The following SH3TC2 variants were observed in gnomAD, a reference collection of about 807,000 sequenced individuals.
SH3TC2 encodes SH3 domain and tetratricopeptide repeat-containing protein 2.
A neutral mutation model predicts 124.5 loss-of-function variants in SH3TC2; 87 were observed. That is an observed-to-expected ratio of 0.70 (90% CI 0.59 to 0.84). The LOEUF (loss-of-function observed/expected upper bound fraction) is 0.84, where lower values mean the gene tolerates loss of function less well. SH3TC2 is among the 40% of genes least tolerant of loss of function. The pLI is 0.00. For missense variants in SH3TC2, 1,536 were observed against 1,566.4 expected, an observed-to-expected ratio of 0.98 and a Z score of 0.33; for synonymous variants, 634 against 628.5, an observed-to-expected ratio of 1.01 and a Z score of -0.13.
chr5:149,049,459 C>T (rs1409002636), intron 2 of SH3TC2, among the ~76,000 whole-genome samples: 1 of 152,146 alleles, frequency 6.6e-6, no homozygotes, highest in Non-Finnish European at 1.5e-5. Context: ...AGTACCTATC[C>T]CACAGGGGTT....
chr5:149,048,467 T>C (rs1754505045), intron 2 of SH3TC2, among the ~76,000 whole-genome samples: 1 of 152,254 alleles, frequency 6.6e-6, no homozygotes, highest in Non-Finnish European at 1.5e-5. Context: ...CATGAACACA[T>C]TACACATAAA....
rs1753579125 is a variant in SH3TC2, at chr5:149,000,437, T to C, written c.*4274A>G. On this transcript the variant is annotated 3_prime_UTR_variant, in exon 17 of 17. Coordinates refer to ENST00000515425, the MANE Select transcript of SH3TC2 (RefSeq NM_024577.4). ...GGTGCTTGCAATGAGCAACAGGACC[T>C]AGCTTGAAGTTAATGCATTATTTTA... Among the ~76,000 whole-genome samples the C allele has an allele frequency of 6.6e-6, 1 of 152,238 alleles. No homozygotes were observed. Among genetic ancestry groups the C allele is most frequent in the South Asian group, 2.1e-4 (1 of 4,836 alleles).
chr5:149,000,744 G>A lies in SH3TC2; in HGVS notation c.*3967C>T, dbSNP rs28399310. Among the ~76,000 whole-genome samples the A allele has an allele frequency of 1.8e-3, 276 of 152,274 alleles. No individual in the cohort carries two copies. Among genetic ancestry groups the A allele is most frequent in the African/African-American group, 6.2e-3 (259 of 41,556 alleles). The stretch of plus-strand genomic sequence containing the variant: ...TAAGTCCTTGAGTCATGAGACCCCC[G>A]CCTCAAGTACCACTGTCTTTGCCAC... On this transcript the variant is annotated 3_prime_UTR_variant, in exon 17 of 17. Transcript: ENST00000515425.
At position 149,030,274 on chromosome 5, in the gene SH3TC2, C is replaced by A. The variant is rs186012244; in HGVS notation, c.1135+1280G>T. 3.9e-4 allele frequency among the ~76,000 whole-genome samples: 60 copies of A among 152,308 alleles called. 1 individual carries two copies. Among genetic ancestry groups the A allele is most frequent in the Non-Finnish European group, 1.0e-4 (7 of 68,024 alleles). ...TATGGTATACGCCTTGGGGAAGCTG[C>A]AATTTACCAACAAGATGTTCTCCTG... is the stretch of plus-strand genomic sequence containing the variant. On this transcript the variant is annotated intron_variant, in intron 9 of 16. Coordinates refer to ENST00000515425, the MANE Select transcript of SH3TC2 (RefSeq NM_024577.4).
At position 149,000,791 on chromosome 5, in the gene SH3TC2, G is replaced by C. The variant is rs1753584230; in HGVS notation, c.*3920C>G. ...CCACTAACTACCAATGTGTCTGGGA[G>C]AAAGTTACCCTTCTGTTCCTCAGTT... On this transcript the variant is annotated 3_prime_UTR_variant, in exon 17 of 17. Coordinates refer to ENST00000515425, the MANE Select transcript of SH3TC2 (RefSeq NM_024577.4). Among the ~76,000 whole-genome samples the C allele has an allele frequency of 6.6e-6, 1 of 152,190 alleles. No homozygotes were observed. The highest frequency in any genetic ancestry group is 1.5e-5 in the Non-Finnish European group (1 of 68,036).
At chr5:149,033,814 A>G (rs1316918911) in intron 8 of SH3TC2, among the ~76,000 whole-genome samples, 1 of 152,226 alleles carries the variant, frequency 6.6e-6, no homozygotes, top group African/African-American at 2.4e-5. Flanking sequence ...CCACGATCCA[A>G]GAATTAATAG....
At chr5:149,057,879 A>C (rs577193510) in intron 1 of SH3TC2, among the ~76,000 whole-genome samples, 8 of 152,342 alleles carry the variant, frequency 5.3e-5, no homozygotes, top group Admixed American at 4.6e-4. Flanking sequence ...GGCATAATCC[A>C]ACTGGGTTAT....
In SH3TC2 at chr5:148,993,172, C is replaced by T. The variant is rs919198611; in HGVS notation, c.*11539G>A. Among the ~76,000 whole-genome samples, 1 of 152,186 alleles carries T rather than the reference C, an allele frequency of 6.6e-6. No individual in the cohort carries two copies. The highest frequency in any genetic ancestry group is 1.5e-5 in the Non-Finnish European group (1 of 68,038). On this transcript the variant is annotated 3_prime_UTR_variant, in exon 17 of 17. Transcript: ENST00000515425. ...AATAAAACTGACAACAGCTAACCTA[C>T]ACAAAGAATGTGTTAATGAGCAAAC...
intron 7 of SH3TC2, among the ~76,000 whole-genome samples, chr5:149,040,377 T>C (rs764966660): frequency 6.6e-6 from 1 of 152,176 alleles, no homozygotes; most frequent in African/African-American, 2.4e-5. Flanking sequence ...AGCATCTGTG[T>C]GTCCTGCCCA....
At position 149,042,675 on chromosome 5, in the gene SH3TC2, A is replaced by C; in HGVS notation, c.529+19T>G. On this transcript the variant is annotated intron_variant, in intron 5 of 16. Transcript: ENST00000515425. Reference sequence around the variant, plus strand: ...AATATCTGAATAAGATCCCATCTCTACCCCTATGCCACACTCACCTTCCTG... The same window carrying C: ...AATATCTGAATAAGATCCCATCTCTCCCCCTATGCCACACTCACCTTCCTG... 1.2e-6 allele frequency: 2 copies of C among 1,613,768 alleles called. No homozygotes were observed. Among genetic ancestry groups the C allele is most frequent in the Non-Finnish European group, 1.7e-6 (2 of 1,179,856 alleles).
At chr5:149,034,550 T>C in intron 8 of SH3TC2, 1 of 378,080 alleles carries the variant, frequency 2.6e-6, no homozygotes. Flanking sequence ...ATAATATCAT[T>C]TTTAACATGA....
rs1754089250 is a variant in SH3TC2 at position 149,027,421 on chromosome 5, T to C, written c.2311A>G (p.Arg771Gly). Residue 771 changes from arginine to glycine, a missense_variant, in exon 11 of 17, where the codon AGG (arginine) becomes GGG (glycine). Arg to Gly is a moderately radical substitution (Grantham distance 125). Around this residue, in one of 3 missense-constraint regions of SH3TC2, gnomAD observed 1,102 missense variants for 1,098.6 expected, o/e 1.00. Transcript: ENST00000515425. Reference protein sequence around the residue: ...LILSKVYLEHRSPDGAIHYLS... With the variant: ...LILSKVYLEHGSPDGAIHYLS... The stretch of plus-strand genomic sequence containing the variant: ...TAGTGGATGGCACCGTCAGGAGACC[T>C]GTGCTCGAGGTACACTTTGGAAAGG... 2.5e-6 allele frequency: 4 copies of C among 1,614,148 alleles called. No homozygotes were observed. Among genetic ancestry groups the C allele is most frequent in the African/African-American group, 1.3e-5 (1 of 75,070 alleles).
rs766947222 is a variant in SH3TC2, at chr5:149,041,566, T to C, written c.581A>G (p.Glu194Gly). ...CTTGCAAAGTGTCAAGCATTCCCCT[T>C]CCTTCTCGGCTGGTGGAGTCACGGA... ...LCSVTPPAEKEGECLTLCKNE... is the reference protein window; with the variant it reads ...LCSVTPPAEKGGECLTLCKNE... The change falls in exon 6 of 17, where the codon GAA becomes GGA. Residue 194 changes from glutamate to glycine, a missense_variant. By Grantham distance (98) the Glu-to-Gly change is moderately conservative (BLOSUM62 -2). Around this residue, in one of 3 missense-constraint regions of SH3TC2, gnomAD observed 1,102 missense variants for 1,098.6 expected, o/e 1.00. Transcript: ENST00000515425. 2.8e-5 allele frequency: 45 copies of C among 1,614,006 alleles called. No homozygotes were observed. The highest frequency in any genetic ancestry group is 3.7e-5 in the Non-Finnish European group (44 of 1,179,964).
At position 149,008,994 on chromosome 5, in the gene SH3TC2, G is replaced by C. The variant is rs754261079; in HGVS notation, c.3335C>G (p.Ala1112Gly). The part of the protein sequence containing the change: ...HHAVEYYRAG[A>G]VPLARRLKAV... ...CTTCAACCTCCTTGCTAAAGGAACA[G>C]CTCCAGCCTAGGAACAGAAGCCCAA... Residue 1112 changes from alanine (A) to glycine (G), a missense_variant, in exon 15 of 17, where the codon GCT becomes GGT. This residue lies in a region of SH3TC2 where 426 missense variants were observed against 443.5 expected (regional missense o/e 0.96). Transcript: ENST00000515425. The C allele has an allele frequency of 3.1e-6, 5 of 1,614,196 alleles. 1 individual carries two copies. In the South Asian group the frequency reaches 5.5e-5, roughly 18 times the overall value.
intron 12 of SH3TC2, among the ~76,000 whole-genome samples, chr5:149,016,700 C>T (rs1242211798): frequency 2.0e-5 from 3 of 151,982 alleles, no homozygotes; most frequent in East Asian, 1.9e-4. Flanking sequence ...CCGAGGCGGG[C>T]GGATCACGAG....
In SH3TC2 at chr5:149,002,361, T is replaced by A. The variant is rs1231939876; in HGVS notation, c.*2350A>T. ...CCTCAACCGCAACGTCCCTCCCAGC[T>A]TGGGGCTTTTACAGCTTGTGGTGGG... On this transcript the variant is annotated 3_prime_UTR_variant, in exon 17 of 17. Transcript: ENST00000515425. The A allele has an allele frequency of 6.5e-6, 1 of 152,676 alleles. No individual in the cohort carries two copies. The highest frequency in any genetic ancestry group is 1.9e-4 in the East Asian group (1 of 5,188). 9.5% of individuals were successfully genotyped at this position (152,676 alleles called of 1,614,324 possible).
rs1561764735 is a variant in SH3TC2, at chr5:149,027,314, A to G, written c.2418T>C (p.Tyr806=). The stretch of plus-strand genomic sequence containing the variant: ...CCTTCTTGGCCTGGCTGGCTAAGAG[A>G]TAGGCCCATGCCAGGCAGAGAGAAG... ...FESSLCLAWA[Y]LLASQAKKAL... is the part of the protein sequence containing the mutation. The change falls in exon 11 of 17, where the codon TAT becomes TAC. Residue 806 remains tyrosine, a synonymous_variant. Transcript: ENST00000515425. The G allele has an allele frequency of 6.2e-7, 1 of 1,614,016 alleles. No individual in the cohort carries two copies. The highest frequency in any genetic ancestry group is 1.1e-5 in the South Asian group (1 of 91,088).
chr5:149,052,631 G>A (rs1754577865), intron 1 of SH3TC2, among the ~76,000 whole-genome samples: 2 of 152,166 alleles, frequency 1.3e-5, no homozygotes, highest in African/African-American at 4.8e-5. Flanking sequence ...GACAGACATT[G>A]GCATCATTAG....
In SH3TC2 at chr5:149,028,390, C is replaced by G. The variant is rs587781252; in HGVS notation, c.1342G>C (p.Asp448His). The G allele has an allele frequency of 2.3e-5, 37 of 1,614,018 alleles. No individual in the cohort carries two copies. The highest frequency in any genetic ancestry group is 2.7e-5 in the Non-Finnish European group (32 of 1,180,050). The change falls in exon 11 of 17, where the codon GAT (aspartate) becomes CAT (histidine). Residue 448 changes from aspartate (D) to histidine (H), a missense_variant. Asp to His is a moderately conservative substitution (Grantham distance 81, BLOSUM62 -1). Around this residue, in one of 3 missense-constraint regions of SH3TC2, gnomAD observed 1,102 missense variants for 1,098.6 expected, o/e 1.00. Transcript: ENST00000515425. ...AGGTCCATGAGCAGTTCCGGGTCAT[C>G]AAGGTCATCAGGCTCCGGCAGGCGA... is the stretch of plus-strand genomic sequence containing the variant. ...SYRLPEPDDLDDPELLMDLST... is the reference protein window; with the variant it reads ...SYRLPEPDDLHDPELLMDLST...
Sources: allele counts gnomAD v4.1 joint callset (sites outside exome capture counted in the v4.1 genomes callset), GRCh38; gene constraint gnomAD v4.1.1; regional missense constraint gnomAD v4.1.1; transcripts MANE v1.5; gene names NCBI Gene and HGNC (gene_info 2026-07-23, HGNC 2026-07-21).